The following RRH variants were observed in gnomAD, a reference collection of about 807,000 sequenced individuals.
The protein encoded by RRH is visual pigment-like receptor peropsin.
A neutral mutation model predicts 33.1 loss-of-function variants in RRH; 36 were observed. The ratio of observed to expected loss-of-function variants is 1.09; its 90% CI spans 0.83 to 1.44. The LOEUF is 1.44. RRH is among the 40% of genes most tolerant of loss of function. The pLI is 0.00. For missense variants in RRH, 393 were observed against 420.2 expected, an observed-to-expected ratio of 0.94 and a Z score of 0.57; for synonymous variants, 124 against 140.2, an observed-to-expected ratio of 0.88 and a Z score of 0.82.
At chr4:109,837,932 C>G (rs935731474) in intron 5 of RRH, among the ~76,000 whole-genome samples, 1 of 152,132 alleles carries the variant, frequency 6.6e-6, no homozygotes, top group African/African-American at 2.4e-5. Context: ...CCTGCTGCCA[C>G]ACTTGGCTAA....
chr4:109,828,843 T>C (rs1733690672), intron 1 of RRH, among the ~76,000 whole-genome samples: 1 of 152,118 alleles, frequency 6.6e-6, no homozygotes, highest in African/African-American at 2.4e-5. Context: ...TTATAAGGAG[T>C]AAAATTAAGT....
At chr4:109,836,755 G>A (rs1484643604) in intron 4 of RRH, among the ~76,000 whole-genome samples, 2 of 151,818 alleles carry the variant, frequency 1.3e-5, no homozygotes, top group African/African-American at 4.8e-5. Flanking sequence ...ATTTTTTTCT[G>A]TAGATTCAAA....
In RRH at chr4:109,837,572, C is replaced by A; in HGVS notation, c.687C>A (p.Asn229Lys). Residue 229 changes from asparagine (N) to lysine (K), a missense_variant, in exon 5 of 7, where the codon AAC (asparagine) becomes AAA (lysine). Transcript: ENST00000317735. ...CCAGTGACTGCACTGAGTCCCTCAA[C>A]AGAGACTGGTCAGATCAGATAGATG... is the stretch of plus-strand genomic sequence containing the variant. ...HTTSDCTESLNRDWSDQIDVT... is the reference protein window; with the variant it reads ...HTTSDCTESLKRDWSDQIDVT... 1 of 1,613,972 alleles carries A rather than the reference C, an allele frequency of 6.2e-7. No homozygotes were observed. Among genetic ancestry groups the A allele is most frequent in the Non-Finnish European group, 8.5e-7 (1 of 1,179,842 alleles).
Position 109,837,421 on chromosome 4 carries a change from C to T in RRH, c.552-16C>T. 6.2e-7 allele frequency: 1 copy of T among 1,612,070 alleles called. No individual in the cohort carries two copies. The highest frequency in any genetic ancestry group is 1.7e-4 in the Middle Eastern group (1 of 6,014). On this transcript the variant is annotated splice_polypyrimidine_tract_variant and intron_variant, in intron 4 of 6. Coordinates refer to ENST00000317735, the MANE Select transcript of RRH (RefSeq NM_006583.5). ...ACATTAAATGAGCAATCATGATTGCCTTTTCTTATTTTCAGATCTTTTGTG... is the reference window on the plus strand; with the variant it reads ...ACATTAAATGAGCAATCATGATTGCTTTTTCTTATTTTCAGATCTTTTGTG...
chr4:109,844,405 A>C lies in RRH; in HGVS notation c.*208A>C, dbSNP rs1294064335. 1.3e-5 allele frequency: 6 copies of C among 461,908 alleles called. No individual in the cohort carries two copies. Among genetic ancestry groups the C allele is most frequent in the South Asian group, 1.0e-4 (5 of 47,844 alleles). 28.6% of individuals were successfully genotyped at this position (461,908 alleles called of 1,614,324 possible). A position where few individuals can be genotyped will look rare whatever the true frequency, so the allele number is the denominator to read the frequency against. The stretch of plus-strand genomic sequence containing the variant: ...GTCCTGATATATCAACTTATTGCTC[A>C]TCTCCTTTGATGAATTAGGCATCAG... On this transcript the variant is annotated 3_prime_UTR_variant, in exon 7 of 7. Transcript: ENST00000317735.
intron 2 of RRH, among the ~76,000 whole-genome samples, chr4:109,835,094 T>G (rs1472716037): frequency 1.3e-5 from 2 of 152,172 alleles, no homozygotes; most frequent in African/African-American, 2.4e-5. Context: ...GGTTTGTGGT[T>G]GTTCTGCACT....
At position 109,836,969 on chromosome 4, in the gene RRH, T is replaced by A. The variant is rs1471133172; in HGVS notation, c.552-468T>A. 3.3e-5 allele frequency among the ~76,000 whole-genome samples: 5 copies of A among 150,126 alleles called. No homozygotes were observed. In the East Asian group the frequency reaches 9.8e-4, roughly 30 times the overall value. ...TGGCTGTGGTGGTGTATGCCTGTGGTCTCAGCTACTCGGTTGGCTAAAATG... is the reference window on the plus strand; with the variant it reads ...TGGCTGTGGTGGTGTATGCCTGTGGACTCAGCTACTCGGTTGGCTAAAATG... On this transcript the variant is annotated intron_variant, in intron 4 of 6. Transcript: ENST00000317735.
chr4:109,835,435 C>G lies in RRH; in HGVS notation c.367C>G (p.Arg123Gly), dbSNP rs568068949. The change falls in exon 3 of 7, where the codon CGA (arginine) becomes GGA (glycine). Residue 123 changes from arginine to glycine, a missense_variant. Coordinates refer to ENST00000317735, the MANE Select transcript of RRH (RefSeq NM_006583.5). ...IGLLTVVAVD[R>G]YLTICLPDVG... ...ATTACTCACGGTCGTGGCTGTGGAC[C>G]GATACCTGACCATCTGCCTTCCTGA... 5.0e-6 allele frequency: 8 copies of G among 1,613,806 alleles called. No individual in the cohort carries two copies. Among genetic ancestry groups the G allele is most frequent in the Middle Eastern group, 1.6e-4 (1 of 6,062 alleles).
chr4:109,838,438 A>G (rs547375357), intron 5 of RRH, among the ~76,000 whole-genome samples: 1 of 151,710 alleles, frequency 6.6e-6, no homozygotes, highest in East Asian at 1.9e-4. Flanking sequence ...GCCTCCCTTC[A>G]TCACCAGCTC....
At position 109,828,140 on chromosome 4, in the gene RRH, A is replaced by T; in HGVS notation, c.106+7A>T. ...ACTTACTTGATTATGGCAGGTATGG[A>T]TATTTAAGTAAGTTATTTTTCTTTA... On this transcript the variant is annotated splice_region_variant and intron_variant, in intron 1 of 6. Coordinates refer to ENST00000317735, the MANE Select transcript of RRH (RefSeq NM_006583.5). The T allele has an allele frequency of 6.4e-7, 1 of 1,567,490 alleles. No homozygotes were observed. Among genetic ancestry groups the T allele is most frequent in the South Asian group, 1.1e-5 (1 of 90,050 alleles).
intron 5 of RRH, 68 bp downstream of exon 5, chr4:109,837,673 C>G: frequency 1.7e-6 from 2 of 1,207,740 alleles, no homozygotes; most frequent in Non-Finnish European, 2.4e-6. Flanking sequence ...TGAAAGAGTC[C>G]CTGGGACCAC....
At chr4:109,838,717 C>G (rs1444900391) in intron 5 of RRH, among the ~76,000 whole-genome samples, 1 of 152,220 alleles carries the variant, frequency 6.6e-6, no homozygotes, top group Non-Finnish European at 1.5e-5. Flanking sequence ...GCTCTACAGT[C>G]TCCTAGCTTC....
chr4:109,841,676 A>G (rs1007689469), intron 5 of RRH, among the ~76,000 whole-genome samples: 2 of 151,868 alleles, frequency 1.3e-5, no homozygotes, highest in Non-Finnish European at 2.9e-5. Context: ...TTTAACGTTT[A>G]TTTATTTACT....
chr4:109,842,451 A>G lies in RRH; in HGVS notation c.721-18A>G. On this transcript the variant is annotated intron_variant, in intron 5 of 6. Coordinates refer to ENST00000317735, the MANE Select transcript of RRH (RefSeq NM_006583.5). ...ATATTTTAGGTATTGGGCTTGGTGA[A>G]TATTTATTTCTTTTCAGATGTCTGT... 6.2e-7 allele frequency: 1 copy of G among 1,611,936 alleles called. No homozygotes were observed. The highest frequency in any genetic ancestry group is 8.5e-7 in the Non-Finnish European group (1 of 1,178,170).
intron 1 of RRH, among the ~76,000 whole-genome samples, chr4:109,831,947 T>G (rs1733764011): frequency 6.6e-6 from 1 of 152,060 alleles, no homozygotes; most frequent in Non-Finnish European, 1.5e-5. Flanking sequence ...AAGTTCTGAC[T>G]GAAGTGCCAA....
intron 1 of RRH, among the ~76,000 whole-genome samples, chr4:109,830,735 C>T (rs1294246616): frequency 1.3e-5 from 2 of 151,988 alleles, no homozygotes; most frequent in African/African-American, 4.8e-5. Context: ...AGAAATTACT[C>T]AGAGTATGTG....
At chr4:109,842,712 C>A in intron 6 of RRH, 65 bp downstream of exon 6, 1 of 1,437,248 alleles carries the variant, frequency 7.0e-7, no homozygotes, top group Non-Finnish European at 9.8e-7. Context: ...GTTAAGACTT[C>A]TTGGGAGAGA....
intron 4 of RRH, 66 bp from the exon 5 acceptor site, chr4:109,837,371 C>G: frequency 1.0e-5 from 13 of 1,292,434 alleles, no homozygotes; most frequent in Non-Finnish European, 1.2e-5. Context: ...ATAATTATCT[C>G]CTCTTTCTCC....
Position 109,834,647 on chromosome 4 carries a change from AT to A in RRH, c.298-710del, listed in dbSNP as rs58560870. ...CATGAGCCACTGCGCCCGGACCCCC[AT>A]TTTTTTTTCTGTCACAGATAAGGCT... is the stretch of plus-strand genomic sequence containing the variant. On this transcript the variant is annotated intron_variant, in intron 2 of 6. Coordinates refer to ENST00000317735, the MANE Select transcript of RRH (RefSeq NM_006583.5). Among the ~76,000 whole-genome samples the A allele has an allele frequency of 3.4e-5, 5 of 149,084 alleles. No homozygotes were observed. The Middle Eastern group carries it at 0.01, about 311-fold the overall frequency.
Sources: gnomAD v4.1 joint callset for allele counts (sites outside exome capture counted in the v4.1 genomes callset) on GRCh38, gnomAD v4.1.1 for gene constraint, MANE v1.5 for transcripts, NCBI Gene and HGNC (gene_info 2026-07-23, HGNC 2026-07-21) for gene names.